Variants in PDLIM1 observed in about 807,000 individuals in gnomAD.
PDLIM1 encodes PDZ and LIM domain 1, also known as PDZ and LIM domain protein 1.
In PDLIM1, 25 loss-of-function variants were observed where a neutral mutation model predicts 35.2. That is an observed-to-expected ratio of 0.71 (90% CI 0.52 to 0.99). PDLIM1 has a LOEUF of 0.99. Among genes scored for constraint, PDLIM1 ranks in the 50% least tolerant of loss-of-function variants. The pLI is 0.00. For missense variants in PDLIM1, 363 were observed against 415.3 expected, an observed-to-expected ratio of 0.87 and a Z score of 1.09; for synonymous variants, 152 against 154.0, an observed-to-expected ratio of 0.99 and a Z score of 0.10.
At chr10:95,242,067 A>T (rs926702094) in intron 5 of PDLIM1, among the ~76,000 whole-genome samples, 5 of 152,150 alleles carry the variant, frequency 3.3e-5, no homozygotes, top group Admixed American at 6.5e-5. Flanking sequence ...GAACCGATGC[A>T]CACAGATGTC....
At chr10:95,272,370 A>G (rs2035472297) in intron 1 of PDLIM1, among the ~76,000 whole-genome samples, 1 of 152,244 alleles carries the variant, frequency 6.6e-6, no homozygotes, top group African/African-American at 2.4e-5. Flanking sequence ...ATAATATTGA[A>G]TTACTTTTTA....
chr10:95,274,320 T>C (rs2035493477), intron 1 of PDLIM1, among the ~76,000 whole-genome samples: 1 of 140,758 alleles, frequency 7.1e-6, no homozygotes, highest in Non-Finnish European at 1.5e-5. Context: ...TGAGACGGAG[T>C]TTCGCTCTTG....
intron 4 of PDLIM1, among the ~76,000 whole-genome samples, chr10:95,253,840 T>C (rs1381926172): frequency 6.6e-6 from 1 of 152,154 alleles, no homozygotes; most frequent in African/African-American, 2.4e-5. Context: ...TTTAACTATA[T>C]TGTAAGCAGG....
At chr10:95,278,774 G>A (rs2035537009) in intron 1 of PDLIM1, among the ~76,000 whole-genome samples, 1 of 152,176 alleles carries the variant, frequency 6.6e-6, no homozygotes, top group African/African-American at 2.4e-5. Flanking sequence ...AACAACCACT[G>A]AGCCTTAGCT....
chr10:95,285,838 T>C (rs1356153330), intron 1 of PDLIM1, among the ~76,000 whole-genome samples: 2 of 152,214 alleles, frequency 1.3e-5, no homozygotes, highest in Admixed American at 6.5e-5. Context: ...TATATTATGG[T>C]CTTAGAATGG....
At chr10:95,269,122 C>CA (rs1458252916) in intron 2 of PDLIM1, among the ~76,000 whole-genome samples, 1 of 152,210 alleles carries the variant, frequency 6.6e-6, no homozygotes, top group Non-Finnish European at 1.5e-5. Flanking sequence ...GGGTAGCTGA[C>CA]ACCAGCAGTG....
In PDLIM1 at chr10:95,287,864, T is replaced by G. The variant is rs557504625; in HGVS notation, c.96+2956A>C. Among the ~76,000 whole-genome samples, 63 of 151,796 alleles carry G rather than the reference T, an allele frequency of 4.2e-4. No individual in the cohort carries two copies. The South Asian group carries it at 7.3e-3, about 18-fold the overall frequency. On this transcript the variant is annotated intron_variant, in intron 1 of 6. Transcript: ENST00000329399. ...AAGTTGGAAACCTGGGTTGAAATTT[T>G]AAGTTGATAACGATACTAGATGAAA...
chr10:95,266,209 T>C (rs1033461350), intron 3 of PDLIM1, among the ~76,000 whole-genome samples: 1 of 151,772 alleles, frequency 6.6e-6, no homozygotes, highest in African/African-American at 2.4e-5. Context: ...AAATAAAAAA[T>C]AAAAATAAAT....
At chr10:95,239,967 CTAT>C (rs2035162961) in intron 5 of PDLIM1, among the ~76,000 whole-genome samples, 1 of 152,076 alleles carries the variant, frequency 6.6e-6, no homozygotes, top group African/African-American at 2.4e-5. Flanking sequence ...GTCTGAATGG[CTAT>C]TATTAAAAAG....
chr10:95,247,399 A>T, intron 4 of PDLIM1, 33 bp from the exon 5 acceptor site: 1 of 1,576,652 alleles, frequency 6.3e-7, no homozygotes, highest in African/African-American at 1.4e-5. Context: ...TGATTAGGAC[A>T]TGACAGAAGT....
intron 4 of PDLIM1, among the ~76,000 whole-genome samples, chr10:95,253,777 A>G (rs1332704220): frequency 6.6e-6 from 1 of 152,218 alleles, no homozygotes; most frequent in Non-Finnish European, 1.5e-5. Context: ...TGACAAGTAA[A>G]GCAAAAATTA....
chr10:95,261,017 G>C (rs1452634463), intron 4 of PDLIM1, among the ~76,000 whole-genome samples: 1 of 152,202 alleles, frequency 6.6e-6, no homozygotes, highest in African/African-American at 2.4e-5. Flanking sequence ...CTCAAAGAGT[G>C]CGGGGTGGAA....
At chr10:95,281,300 A>G (rs1191100663) in intron 1 of PDLIM1, among the ~76,000 whole-genome samples, 1 of 151,960 alleles carries the variant, frequency 6.6e-6, no homozygotes, top group Admixed American at 6.6e-5. Flanking sequence ...AAAATAGGCC[A>G]GGCAGGGATG....
chr10:95,256,673 AC>A (rs1392795914), intron 4 of PDLIM1, among the ~76,000 whole-genome samples: 3 of 152,184 alleles, frequency 2.0e-5, no homozygotes, highest in African/African-American at 7.2e-5. Context: ...ACCTAACACC[AC>A]ATAAAAAAAT....
At chr10:95,288,350 CT>C (rs2035619759) in intron 1 of PDLIM1, among the ~76,000 whole-genome samples, 1 of 152,146 alleles carries the variant, frequency 6.6e-6, no homozygotes, top group Non-Finnish European at 1.5e-5. Flanking sequence ...TTATGGTTTG[CT>C]TTGGTGTGGA....
chr10:95,248,639 C>T (rs756366090), intron 4 of PDLIM1, among the ~76,000 whole-genome samples: 1 of 152,216 alleles, frequency 6.6e-6, no homozygotes, highest in Non-Finnish European at 1.5e-5. Flanking sequence ...AGTTTTAATA[C>T]TAAAATATAT....
At position 95,271,622 on chromosome 10, in the gene PDLIM1, A is replaced by C; in HGVS notation, c.248+11T>G. On this transcript the variant is annotated intron_variant, in intron 2 of 6. Transcript: ENST00000329399. Reference sequence around the variant, plus strand: ...AATCAGAAATGAACAAAACGTTTCCATAGGCTTCACCTGGCTACAGTGAGA... The same window carrying C: ...AATCAGAAATGAACAAAACGTTTCCCTAGGCTTCACCTGGCTACAGTGAGA... 6.3e-7 allele frequency: 1 copy of C among 1,585,210 alleles called. No individual in the cohort carries two copies. The highest frequency in any genetic ancestry group is 1.2e-5 in the South Asian group (1 of 85,656).
intron 3 of PDLIM1, among the ~76,000 whole-genome samples, chr10:95,264,677 C>G (rs532934843): frequency 1.3e-5 from 2 of 152,092 alleles, no homozygotes; most frequent in Non-Finnish European, 2.9e-5. Flanking sequence ...GATAGAAGGT[C>G]GGGGATACCT....
chr10:95,257,034 G>GAAAGAAAGAAAGAAAGAAAGAAAA (rs1564600757), intron 4 of PDLIM1, among the ~76,000 whole-genome samples: 1 of 103,908 alleles, frequency 9.6e-6, no homozygotes, highest in Non-Finnish European at 2.1e-5. Context: ...AAGAAAGAAA[G>GAAAGAAAGAAAGAAAGAAAGAAAA]AAAGAATTCA....
Sources: allele counts gnomAD v4.1 joint callset (sites outside exome capture counted in the v4.1 genomes callset), GRCh38; gene constraint gnomAD v4.1.1; transcripts MANE v1.5; gene names NCBI Gene and HGNC (gene_info 2026-07-23, HGNC 2026-07-21).